Variants in SEZ6L observed in about 807,000 individuals in gnomAD.
The protein encoded by SEZ6L is seizure 6-like protein.
Under a neutral mutation model 106.2 loss-of-function variants are expected in SEZ6L, and 37 were observed. The ratio of observed to expected loss-of-function variants is 0.35; its 90% CI spans 0.27 to 0.46. The LOEUF (loss-of-function observed/expected upper bound fraction) is 0.46. Among genes scored for constraint, SEZ6L ranks in the 20% least tolerant of loss-of-function variants. The pLI, the probability that SEZ6L is intolerant of heterozygous loss-of-function variation, is 1.00. For synonymous variants in SEZ6L, 541 were observed against 570.4 expected (o/e 0.95, Z 0.73); for missense variants, 1,172 against 1,332.8 (o/e 0.88, Z 1.88).
At chr22:26,279,809 T>C (rs764477323) in intron 1 of SEZ6L, among the ~76,000 whole-genome samples, 1 of 152,186 alleles carries the variant, frequency 6.6e-6, no homozygotes, top group Non-Finnish European at 1.5e-5. Context: ...CAAGTGTCTT[T>C]TCTTGGGGAC....
intron 12 of SEZ6L, among the ~76,000 whole-genome samples, chr22:26,363,642 C>T (rs141928920): frequency 2.0e-4 from 30 of 152,328 alleles, no homozygotes; most frequent in East Asian, 1.2e-3. Context: ...CAAAATGAGA[C>T]GCTTCAAACA....
rs578054498 is a variant in SEZ6L at position 26,326,967 on chromosome 22, G to A, written c.2015+13065G>A. Among the ~76,000 whole-genome samples the A allele has an allele frequency of 2.0e-5, 3 of 152,328 alleles. No individual in the cohort carries two copies. The South Asian group carries it at 6.2e-4, about 32-fold the overall frequency. On this transcript the variant is annotated intron_variant, in intron 9 of 16. Transcript: ENST00000248933. Reference sequence around the variant, plus strand: ...TGGAGGAGTTCCCACGCCAGGCGGGGACGGCCCCTGTGTGGAGTTTCCTGG... The same window carrying A: ...TGGAGGAGTTCCCACGCCAGGCGGGAACGGCCCCTGTGTGGAGTTTCCTGG...
At chr22:26,272,115 G>C (rs1340679399) in intron 1 of SEZ6L, among the ~76,000 whole-genome samples, 1 of 152,226 alleles carries the variant, frequency 6.6e-6, no homozygotes, top group South Asian at 2.1e-4. Flanking sequence ...TGAATTCTCA[G>C]TAGTCAGAAT....
At chr22:26,261,667 AGAG>A (rs1279163271) in intron 1 of SEZ6L, among the ~76,000 whole-genome samples, 1 of 152,240 alleles carries the variant, frequency 6.6e-6, no homozygotes, top group African/African-American at 2.4e-5. Flanking sequence ...AGAAATACAC[AGAG>A]GAGACAAGTA....
At chr22:26,311,008 C>T (rs544600778) in intron 7 of SEZ6L, among the ~76,000 whole-genome samples, 172 bp downstream of exon 7, 26 of 152,202 alleles carry the variant, frequency 1.7e-4, no homozygotes, top group Non-Finnish European at 2.5e-4. Context: ...AATAACAATG[C>T]CTATCATTAA....
In SEZ6L at chr22:26,313,571, T is replaced by TAC. The variant is rs56086023; in HGVS notation, c.1877-162_1877-161dup. Among the ~76,000 whole-genome samples the TAC allele has an allele frequency of 8.0e-3, 835 of 103,852 alleles. 13 individuals carry two copies. Among genetic ancestry groups the TAC allele is most frequent in the Middle Eastern group, 0.031 (7 of 226 alleles). The allele number at this position is 103,852 out of a possible 152,430, so 68.1% of individuals were successfully genotyped here. Reference sequence around the variant, plus strand: ...AGCTGGCCAGCTCTCATTTAATCATTACACACACACACACACACACACACA... The same window carrying TAC: ...AGCTGGCCAGCTCTCATTTAATCATTACACACACACACACACACACACACACA... On this transcript the variant is annotated intron_variant, in intron 8 of 16. Coordinates refer to ENST00000248933, the MANE Select transcript of SEZ6L (RefSeq NM_021115.5).
chr22:26,357,827 T>C (rs963410183), intron 12 of SEZ6L, among the ~76,000 whole-genome samples: 1 of 152,184 alleles, frequency 6.6e-6, no homozygotes. Flanking sequence ...AAGGACGTGG[T>C]GGATGACTCC....
chr22:26,300,129 G>T (rs1002223300), intron 5 of SEZ6L, among the ~76,000 whole-genome samples: 25 of 151,136 alleles, frequency 1.7e-4, no homozygotes, highest in African/African-American at 5.4e-4. Flanking sequence ...TCTTCTTTGG[G>T]GAGATGTCTA....
Position 26,323,412 on chromosome 22 carries a change from C to T in SEZ6L, c.2015+9510C>T, listed in dbSNP as rs560341404. On this transcript the variant is annotated intron_variant, in intron 9 of 16. Coordinates refer to ENST00000248933, the MANE Select transcript of SEZ6L (RefSeq NM_021115.5). Reference sequence around the variant, plus strand: ...CTTTTGGAAGCCAAGATGGGAGGATCGCTTGAGCCCAGGAGTTCAAGACCA... The same window carrying T: ...CTTTTGGAAGCCAAGATGGGAGGATTGCTTGAGCCCAGGAGTTCAAGACCA... 4.6e-5 allele frequency among the ~76,000 whole-genome samples: 7 copies of T among 152,248 alleles called. No homozygotes were observed. The East Asian group carries it at 5.8e-4, about 13-fold the overall frequency.
At chr22:26,316,843 AAAAG>A (rs2082009907) in intron 9 of SEZ6L, among the ~76,000 whole-genome samples, 2 of 151,158 alleles carry the variant, frequency 1.3e-5, no homozygotes, top group Non-Finnish European at 2.9e-5. Flanking sequence ...AGAAAGAAAG[AAAAG>A]AAAGAGAGAG....
chr22:26,291,555 A>G (rs11705576), intron 1 of SEZ6L, among the ~76,000 whole-genome samples: 48,692 of 152,024 alleles, frequency 0.32, 9,599 homozygotes, highest in African/African-American at 0.57. Context: ...GTTTACCTAC[A>G]TAACAAACCT....
intron 1 of SEZ6L, among the ~76,000 whole-genome samples, chr22:26,227,853 G>A (rs1377895797): frequency 1.3e-5 from 2 of 152,224 alleles, no homozygotes; most frequent in Non-Finnish European, 2.9e-5. Context: ...TGCCCTCCAG[G>A]ACTGGGCTGC....
At chr22:26,342,153 T>C (rs146103822) in intron 10 of SEZ6L, among the ~76,000 whole-genome samples, 2 of 152,258 alleles carry the variant, frequency 1.3e-5, no homozygotes, top group East Asian at 3.9e-4. Flanking sequence ...TAACATCCTT[T>C]GACATCTAGA....
chr22:26,332,149 T>G (rs1425038114), intron 9 of SEZ6L, among the ~76,000 whole-genome samples: 1 of 26,882 alleles, frequency 3.7e-5, no homozygotes, highest in Non-Finnish European at 1.3e-4. Flanking sequence ...TTTTCAATGT[T>G]TTTTTTTTTT....
rs1206519823 is a variant in SEZ6L at position 26,364,416 on chromosome 22, T to A, written c.2600-956T>A. The stretch of plus-strand genomic sequence containing the variant: ...GCTTGGGATGCATGGCAAGACCCTG[T>A]CTCTACTTTAAAAAAAAAAAAAAAA... On this transcript the variant is annotated intron_variant, in intron 12 of 16. Coordinates refer to ENST00000248933, the MANE Select transcript of SEZ6L (RefSeq NM_021115.5). Among the ~76,000 whole-genome samples the A allele has an allele frequency of 4.1e-5, 5 of 120,670 alleles. No individual in the cohort carries two copies. In the East Asian group the frequency reaches 1.4e-3, roughly 33 times the overall value. The allele number at this position is 120,670 out of a possible 152,430, so 79.2% of individuals were successfully genotyped here.
intron 1 of SEZ6L, among the ~76,000 whole-genome samples, chr22:26,290,025 G>C (rs1459455370): frequency 6.6e-6 from 1 of 152,208 alleles, no homozygotes; most frequent in Admixed American, 6.5e-5. Context: ...TACGGGTGAG[G>C]CGCTGTCCTA....
chr22:26,228,525 G>A (rs1184078165), intron 1 of SEZ6L, among the ~76,000 whole-genome samples: 1 of 152,140 alleles, frequency 6.6e-6, no homozygotes, highest in African/African-American at 2.4e-5. Flanking sequence ...TGGAGAAGAG[G>A]ACAAAACCGT....
intron 1 of SEZ6L, among the ~76,000 whole-genome samples, chr22:26,278,057 C>T (rs547518200): frequency 3.5e-4 from 54 of 152,210 alleles, no homozygotes; most frequent in African/African-American, 1.2e-3. Context: ...TGCCATGAGG[C>T]AGGCAGTGAG....
intron 1 of SEZ6L, among the ~76,000 whole-genome samples, chr22:26,178,384 A>G (rs905223285): frequency 1.3e-5 from 2 of 152,180 alleles, no homozygotes; most frequent in Non-Finnish European, 2.9e-5. Context: ...CACTCTCACC[A>G]TGGGTCATGG....
Sources: gnomAD v4.1 joint callset for allele counts (sites outside exome capture counted in the v4.1 genomes callset) on GRCh38, gnomAD v4.1.1 for gene constraint, MANE v1.5 for transcripts, NCBI Gene and HGNC (gene_info 2026-07-23, HGNC 2026-07-21) for gene names.